Variants in FRMD3 observed in about 807,000 individuals in gnomAD.
FRMD3 encodes FERM domain containing 3.
In FRMD3, 33 loss-of-function variants were observed where a neutral mutation model predicts 70.2. The observed-to-expected ratio is 0.47, with a 90% CI of 0.36 to 0.63. FRMD3 has a LOEUF of 0.63. FRMD3 is among the 20% of genes least tolerant of loss of function. FRMD3 has a pLI of 0.00. For synonymous variants in FRMD3, 279 were observed against 255.9 expected (o/e 1.09, Z -0.86); for missense variants, 632 against 711.4 (o/e 0.89, Z 1.27).
chr9:83,330,228 G>A (rs1218344448), intron 6 of FRMD3, among the ~76,000 whole-genome samples: 1 of 151,926 alleles, frequency 6.6e-6, no homozygotes, highest in African/African-American at 2.4e-5. Context: ...GCCCGGCAGG[G>A]TGGCGCATGC....
chr9:83,491,199 G>A (rs983789524), intron 1 of FRMD3, among the ~76,000 whole-genome samples: 4 of 152,032 alleles, frequency 2.6e-5, no homozygotes, highest in African/African-American at 9.7e-5. Context: ...CCTCAACTAC[G>A]ACATTTGAGT....
chr9:83,501,281 G>A (rs1482769558), intron 1 of FRMD3, among the ~76,000 whole-genome samples: 2 of 151,144 alleles, frequency 1.3e-5, no homozygotes, highest in Admixed American at 6.6e-5. Flanking sequence ...GTGACAGAGC[G>A]AGACTCCATC....
intron 4 of FRMD3, among the ~76,000 whole-genome samples, chr9:83,348,901 C>T (rs1253272865): frequency 6.6e-6 from 1 of 152,152 alleles, no homozygotes; most frequent in Admixed American, 6.5e-5. Flanking sequence ...ATCCAAGAAC[C>T]CAAAACCTCC....
chr9:83,377,095 T>C (rs994468260), intron 2 of FRMD3, among the ~76,000 whole-genome samples: 1 of 152,256 alleles, frequency 6.6e-6, no homozygotes, highest in Admixed American at 6.5e-5. Flanking sequence ...GGTATTCTCC[T>C]GGCCTATGGA....
the FRMD3 span, among the ~76,000 whole-genome samples, chr9:83,560,954 G>GT: frequency 6.6e-6 from 1 of 152,274 alleles, no homozygotes; most frequent in Non-Finnish European, 1.5e-5. Context: ...TGAAAGAAAA[G>GT]TAAGTTTCTA....
chr9:83,538,215 T>C lies in FRMD3; in HGVS notation c.17A>G (p.His6Arg). The C allele has an allele frequency of 3.2e-6, 5 of 1,582,188 alleles. No individual in the cohort carries two copies. The highest frequency in any genetic ancestry group is 1.1e-5 in the South Asian group (1 of 87,790). The change falls in exon 1 of 14, where the codon CAC (histidine) becomes CGC (arginine). Residue 6 changes from histidine to arginine, a missense_variant. His to Arg is a conservative substitution (Grantham distance 29). This residue lies in a region of FRMD3 where 208 missense variants were observed against 247.7 expected (regional missense o/e 0.84). Transcript: ENST00000304195. This position sits in a 1 kb window ranked among gnomAD's most constrained non-coding sequence, Gnocchi z 4.7. The part of the protein sequence containing the change: MFASC[H>R]CVPRGRRTMK... ...GGTCCTCCTGCCTCTCGGCACACAG[T>C]GGCAGGAGGCGAACATGCACCGCGG...
intron 1 of FRMD3, among the ~76,000 whole-genome samples, chr9:83,442,683 C>T (rs1391885140): frequency 4.6e-5 from 7 of 152,040 alleles, no homozygotes; most frequent in Non-Finnish European, 7.4e-5. Context: ...ACCCCACCCC[C>T]AACCCCAGAC....
intron 7 of FRMD3, 45 bp from the exon 8 acceptor site, chr9:83,312,020 GA>G (rs1199716515): frequency 7.1e-7 from 1 of 1,402,974 alleles, no homozygotes; most frequent in Non-Finnish European, 9.7e-7. Flanking sequence ...TTTAGATTGA[GA>G]AAAATAAAAT....
intron 1 of FRMD3, among the ~76,000 whole-genome samples, chr9:83,480,102 G>T (rs1320314982): frequency 1.3e-5 from 2 of 152,112 alleles, no homozygotes; most frequent in Non-Finnish European, 2.9e-5. Context: ...TATGCCATAA[G>T]AAATTATTGT....
At chr9:83,450,577 C>T (rs938717719) in intron 1 of FRMD3, among the ~76,000 whole-genome samples, 2 of 152,046 alleles carry the variant, frequency 1.3e-5, no homozygotes, top group African/African-American at 4.8e-5. Context: ...ATATTATCAG[C>T]CTTCTTCCTC....
intron 1 of FRMD3, among the ~76,000 whole-genome samples, chr9:83,405,809 G>A (rs1353528176): frequency 1.3e-5 from 2 of 151,834 alleles, no homozygotes; most frequent in African/African-American, 4.8e-5. Context: ...CCAAGCCCAT[G>A]CCTGCAGTGA....
intron 1 of FRMD3, among the ~76,000 whole-genome samples, chr9:83,421,230 G>A (rs1017367626): frequency 3.3e-5 from 5 of 151,766 alleles, no homozygotes; most frequent in African/African-American, 1.2e-4. Context: ...GTGAGCCACC[G>A]CGCCCGGCCG....
intron 1 of FRMD3, among the ~76,000 whole-genome samples, chr9:83,407,529 T>C (rs1437378624): frequency 1.3e-5 from 2 of 152,222 alleles, no homozygotes; most frequent in Non-Finnish European, 2.9e-5. Flanking sequence ...AGGCTATATG[T>C]AGCAGAATGA....
At chr9:83,534,586 C>T (rs948780282) in intron 1 of FRMD3, among the ~76,000 whole-genome samples, 1 of 152,166 alleles carries the variant, frequency 6.6e-6, no homozygotes, top group Admixed American at 6.5e-5. Flanking sequence ...CCATCACACC[C>T]TCTAATCAGA....
chr9:83,552,187 T>A, the FRMD3 span, among the ~76,000 whole-genome samples: 1 of 152,162 alleles, frequency 6.6e-6, no homozygotes, highest in Non-Finnish European at 1.5e-5. Flanking sequence ...GTTCTCATTA[T>A]CTTCAAAGAA....
chr9:83,279,629 C>G (rs1419116248), intron 13 of FRMD3: 1 of 151,974 alleles, frequency 6.6e-6, no homozygotes, highest in African/African-American at 2.4e-5. Context: ...TAAAAAAGAA[C>G]AAGATCATGT....
At chr9:83,460,552 C>T (rs1827940425) in intron 1 of FRMD3, among the ~76,000 whole-genome samples, 1 of 152,142 alleles carries the variant, frequency 6.6e-6, no homozygotes, top group African/African-American at 2.4e-5. Flanking sequence ...CCCTTGTGTC[C>T]TGTGTCCAGT....
intron 13 of FRMD3, among the ~76,000 whole-genome samples, chr9:83,262,305 T>C (rs1833029459): frequency 6.6e-6 from 1 of 152,186 alleles, no homozygotes; most frequent in African/African-American, 2.4e-5. Context: ...TTTTCTTCAG[T>C]TTCTTATATC....
At chr9:83,367,467 T>C (rs1351380948) in intron 3 of FRMD3, among the ~76,000 whole-genome samples, 2 of 152,042 alleles carry the variant, frequency 1.3e-5, no homozygotes, top group East Asian at 3.9e-4. Context: ...GAAAAGTAAA[T>C]AGTAGCAAGC....
Sources: allele counts gnomAD v4.1 joint callset (sites outside exome capture counted in the v4.1 genomes callset), GRCh38; gene constraint gnomAD v4.1.1; regional missense constraint gnomAD v4.1.1; non-coding constraint Gnocchi (gnomAD v3.1); transcripts MANE v1.5; gene names NCBI Gene and HGNC (gene_info 2026-07-23, HGNC 2026-07-21).